BBS5: variants seen among roughly 807,000 people sequenced by gnomAD.
BBS5 encodes the protein BBSome complex member BBS5.
A neutral mutation model predicts 50.2 loss-of-function variants in BBS5; 39 were observed. The observed-to-expected ratio is 0.78, with a 90% CI of 0.60 to 1.01. The LOEUF is 1.01. BBS5 is among the 50% of genes least tolerant of loss of function. BBS5 has a pLI of 0.00. For missense variants in BBS5, 356 were observed against 401.5 expected, an observed-to-expected ratio of 0.89 and a Z score of 0.97; for synonymous variants, 134 against 133.1, an observed-to-expected ratio of 1.01 and a Z score of -0.05.
At chr2:169,489,474 A>AAT (rs1491233668) in intron 5 of BBS5, among the ~76,000 whole-genome samples, 16 of 136,186 alleles carry the variant, frequency 1.2e-4, no homozygotes, top group East Asian at 9.2e-4. Flanking sequence ...AAAAAAAAAA[A>AAT]TTTTTTTTTT....
intron 5 of BBS5, among the ~76,000 whole-genome samples, chr2:169,491,436 T>C (rs1683599524): frequency 6.6e-6 from 1 of 152,174 alleles, no homozygotes; most frequent in African/African-American, 2.4e-5. Context: ...TATTAGAAGA[T>C]TAAAATAAAA....
intron 5 of BBS5, among the ~76,000 whole-genome samples, 190 bp downstream of exon 5, chr2:169,488,304 T>C (rs1426750121): frequency 6.6e-6 from 1 of 152,246 alleles, no homozygotes; most frequent in Non-Finnish European, 1.5e-5. Flanking sequence ...TTTCTATTAC[T>C]ATTATATACT....
At chr2:169,479,928 C>T (rs1053108207) in intron 1 of BBS5, among the ~76,000 whole-genome samples, 3 of 152,224 alleles carry the variant, frequency 2.0e-5, no homozygotes, top group African/African-American at 7.2e-5. Flanking sequence ...CGGGGCTTAG[C>T]GTCCCGTATA....
intron 3 of BBS5, 128 bp from the exon 4 acceptor site, chr2:169,487,678 A>G: frequency 3.3e-6 from 2 of 603,944 alleles, no homozygotes; most frequent in Middle Eastern, 4.5e-4. Flanking sequence ...AAACTTTTAA[A>G]AGTTTATTTC....
intron 2 of BBS5, among the ~76,000 whole-genome samples, chr2:169,485,558 A>C (rs892435782): frequency 2.6e-5 from 4 of 152,096 alleles, no homozygotes; most frequent in Non-Finnish European, 5.9e-5. Context: ...CCCCAACTCT[A>C]CTGCCTCCAT....
At chr2:169,491,073 G>A (rs1344138886) in intron 5 of BBS5, among the ~76,000 whole-genome samples, 3 of 152,108 alleles carry the variant, frequency 2.0e-5, no homozygotes, top group Non-Finnish European at 4.4e-5. Context: ...ATGAGTTGAT[G>A]GACATTTGGG....
rs376537695 is a variant in BBS5 at position 169,499,574 on chromosome 2, A to C, written c.770A>C (p.Tyr257Ser). The C allele has an allele frequency of 1.1e-5, 18 of 1,613,894 alleles. No individual in the cohort carries two copies. Among genetic ancestry groups the C allele is most frequent in the Non-Finnish European group, 1.4e-5 (17 of 1,179,820 alleles). The part of the protein sequence containing the change: ...VKEINSLHKV[Y>S]SASPIFGVDY... ...GAAATCAATTCACTTCACAAAGTCT[A>C]TTCTGCCAGTCCCATATTTGGAGTT... Residue 257 changes from tyrosine to serine, a missense_variant, in exon 9 of 12, where the codon TAT (tyrosine) becomes TCT (serine). Coordinates refer to ENST00000295240, the MANE Select transcript of BBS5 (RefSeq NM_152384.3).
intron 2 of BBS5, among the ~76,000 whole-genome samples, chr2:169,483,267 T>G (rs1481490471): frequency 6.6e-6 from 1 of 152,196 alleles, no homozygotes; most frequent in Non-Finnish European, 1.5e-5. Context: ...GGCCCTGTTG[T>G]AAGCCTGCTT....
Position 169,493,843 on chromosome 2 carries a change from A to G in BBS5, c.618+7A>G. On this transcript the variant is annotated splice_region_variant and intron_variant, in intron 7 of 11. Transcript: ENST00000295240. ...TATACCATATCTGCAAATTGTAAGT[A>G]CATACATTTTGATGACCTTATTTTA... is the stretch of plus-strand genomic sequence containing the variant. 6.4e-7 allele frequency: 1 copy of G among 1,552,392 alleles called. No homozygotes were observed. Among genetic ancestry groups the G allele is most frequent in the Non-Finnish European group, 8.9e-7 (1 of 1,124,620 alleles).
intron 7 of BBS5, among the ~76,000 whole-genome samples, chr2:169,496,627 T>C (rs928689968): frequency 4.6e-5 from 7 of 151,856 alleles, no homozygotes; most frequent in Non-Finnish European, 8.8e-5. Context: ...CCCAGCACTT[T>C]GGGAGGCCGA....
At chr2:169,497,519 C>A (rs1414296164) in intron 7 of BBS5, 108 bp from the exon 8 acceptor site, 2 of 717,234 alleles carry the variant, frequency 2.8e-6, no homozygotes, top group Non-Finnish European at 5.0e-6. Flanking sequence ...GAATTCTGTT[C>A]TTTAGACTAT....
In BBS5 at chr2:169,492,911, T is replaced by C. The variant is rs986603464; in HGVS notation, c.424T>C (p.Leu142=). The change falls in exon 6 of 12, where the codon TTA becomes CTA. Residue 142 remains leucine (L), a synonymous_variant. Transcript: ENST00000295240. The part of the protein sequence containing the change: ...ETSKMYRDFK[L]RSALIQNKQL... ...TTCTAAAATGTATCGTGATTTTAAA[T>C]TAAGAAGTGCACTAATTCAGAACAA... 1 of 1,612,736 alleles carries C rather than the reference T, an allele frequency of 6.2e-7. No individual in the cohort carries two copies. The highest frequency in any genetic ancestry group is 1.7e-5 in the Admixed American group (1 of 60,006).
At chr2:169,490,061 G>A (rs1327569431) in intron 5 of BBS5, among the ~76,000 whole-genome samples, 5 of 149,434 alleles carry the variant, frequency 3.3e-5, no homozygotes, top group Non-Finnish European at 7.4e-5. Flanking sequence ...ATTTTTAGTG[G>A]AGACGGGGTT....
intron 9 of BBS5, 33 bp from the exon 10 acceptor site, chr2:169,503,062 C>G (rs1258079300): frequency 6.6e-7 from 1 of 1,511,478 alleles, no homozygotes; most frequent in Non-Finnish European, 9.2e-7. Flanking sequence ...TTAATATTGT[C>G]TCTGATGCAT....
intron 5 of BBS5, among the ~76,000 whole-genome samples, chr2:169,489,428 A>C (rs1574337788): frequency 6.6e-6 from 1 of 150,774 alleles, no homozygotes; most frequent in South Asian, 2.1e-4. Flanking sequence ...GCCGCACTGC[A>C]CTCCAGCCTG....
chr2:169,492,270 T>C (rs935393909), intron 5 of BBS5, among the ~76,000 whole-genome samples: 4 of 151,410 alleles, frequency 2.6e-5, no homozygotes, highest in Non-Finnish European at 4.4e-5. Context: ...GGCGGGCAGA[T>C]CACGAGGTCA....
intron 2 of BBS5, among the ~76,000 whole-genome samples, chr2:169,483,323 A>G (rs1490169565): frequency 2.0e-5 from 3 of 151,814 alleles, no homozygotes; most frequent in Admixed American, 6.6e-5. Context: ...AAATGCATGA[A>G]CTTTTGGTAC....
intron 5 of BBS5, among the ~76,000 whole-genome samples, chr2:169,491,071 A>G (rs1273217389): frequency 6.6e-6 from 1 of 152,142 alleles, no homozygotes; most frequent in East Asian, 1.9e-4. Context: ...TCATGAGTTG[A>G]TGGACATTTG....
At chr2:169,498,746 G>A (rs1683742390) in intron 8 of BBS5, among the ~76,000 whole-genome samples, 1 of 150,718 alleles carries the variant, frequency 6.6e-6, no homozygotes, top group Admixed American at 6.6e-5. Flanking sequence ...GGCGGAGCTT[G>A]CAGTGAGCCG....
Sources: allele counts gnomAD v4.1 joint callset (sites outside exome capture counted in the v4.1 genomes callset), GRCh38; gene constraint gnomAD v4.1.1; transcripts MANE v1.5; gene names NCBI Gene and HGNC (gene_info 2026-07-23, HGNC 2026-07-21).